The following CEP128 variants were observed in gnomAD, a reference collection of about 807,000 sequenced individuals.
The protein encoded by CEP128 is centrosomal protein 128.
In CEP128, 132 loss-of-function variants were observed where a neutral mutation model predicts 156.7. The observed-to-expected ratio is 0.84, with a 90% CI of 0.73 to 0.97. The LOEUF is 0.97. Ranked by LOEUF, CEP128 falls within the 50% of genes least tolerant of loss-of-function variation. CEP128 has a pLI of 0.00. For synonymous variants in CEP128, 469 were observed against 448.9 expected (o/e 1.04, Z -0.57); for missense variants, 1,252 against 1,281.9 (o/e 0.98, Z 0.36).
chr14:80,744,336 T>A (rs1387455243), intron 18 of CEP128, among the ~76,000 whole-genome samples: 1 of 152,084 alleles, frequency 6.6e-6, no homozygotes, highest in East Asian at 1.9e-4. Context: ...TGTAGGAAAA[T>A]CATGCTTTTG....
chr14:80,490,023 T>A (rs1027759033), downstream of CEP128, among the ~76,000 whole-genome samples: 4 of 152,084 alleles, frequency 2.6e-5, no homozygotes, highest in African/African-American at 9.7e-5. Flanking sequence ...ATAGGAAAAT[T>A]CTGGGTAGGT....
At chr14:80,631,595 G>A (rs778797841) in intron 19 of CEP128, among the ~76,000 whole-genome samples, 2 of 152,134 alleles carry the variant, frequency 1.3e-5, no homozygotes, top group Non-Finnish European at 1.5e-5. Context: ...GTAAAGAAGT[G>A]CTAGAAGTCT....
At chr14:80,746,962 C>T (rs1899133269) in intron 18 of CEP128, among the ~76,000 whole-genome samples, 1 of 152,028 alleles carries the variant, frequency 6.6e-6, no homozygotes, top group African/African-American at 2.4e-5. Context: ...TATAAATAGC[C>T]AATAAGCACA....
At chr14:80,867,331 C>G (rs1887815454) in intron 8 of CEP128, among the ~76,000 whole-genome samples, 1 of 152,146 alleles carries the variant, frequency 6.6e-6, no homozygotes, top group Non-Finnish European at 1.5e-5. Flanking sequence ...TTTCATTGCT[C>G]TACTCAGAAT....
chr14:80,580,713 C>T (rs1350944482), intron 19 of CEP128, among the ~76,000 whole-genome samples: 2 of 152,186 alleles, frequency 1.3e-5, no homozygotes, highest in Admixed American at 1.3e-4. Context: ...TGTAATCATA[C>T]CAATATTTTA....
intron 13 of CEP128, among the ~76,000 whole-genome samples, chr14:80,816,075 A>C (rs1884837661): frequency 1.3e-5 from 2 of 152,204 alleles, no homozygotes; most frequent in Non-Finnish European, 2.9e-5. Flanking sequence ...ATGTAAGAAA[A>C]CTACACTTAT....
At chr14:80,871,233 T>C (rs1888012611) in intron 8 of CEP128, among the ~76,000 whole-genome samples, 1 of 151,976 alleles carries the variant, frequency 6.6e-6, no homozygotes, top group Non-Finnish European at 1.5e-5. Flanking sequence ...TTAAACATAA[T>C]GACAATTTAA....
chr14:80,594,042 G>A (rs1223286568), intron 19 of CEP128, among the ~76,000 whole-genome samples: 2 of 152,098 alleles, frequency 1.3e-5, no homozygotes, highest in African/African-American at 4.8e-5. Context: ...GAACAAAGTG[G>A]GAGGCATCAC....
In CEP128 at chr14:80,958,318, C is replaced by T. The variant is rs45516798; in HGVS notation, c.-279-33G>A. On this transcript the variant is annotated intron_variant, in intron 1 of 7. Coordinates refer to the CEP128 transcript ENST00000555529. Reference sequence around the variant, plus strand: ...CACAAAAATAAAATGAAGTAATTTGCTCAATGTTGCACAGCTTGTAAGTGG... The same window carrying T: ...CACAAAAATAAAATGAAGTAATTTGTTCAATGTTGCACAGCTTGTAAGTGG... 1,220 of 152,196 alleles carry T rather than the reference C, an allele frequency of 8.0e-3. 11 individuals carry two copies. The highest frequency in any genetic ancestry group is 9.9e-3 in the Non-Finnish European group (674 of 68,034). The allele number at this position is 152,196 out of a possible 1,614,324, so 9.4% of individuals were successfully genotyped here. A position where few individuals can be genotyped will look rare whatever the true frequency, so the allele number is the denominator to read the frequency against.
chr14:80,732,910 A>G (rs748014145), intron 19 of CEP128, among the ~76,000 whole-genome samples: 55 of 151,600 alleles, frequency 3.6e-4, no homozygotes, highest in Admixed American at 9.2e-4. Context: ...AAAGAGCTAA[A>G]TAAGACAAAG....
At chr14:80,705,905 T>C (rs1245276940) in intron 19 of CEP128, among the ~76,000 whole-genome samples, 2 of 152,094 alleles carry the variant, frequency 1.3e-5, no homozygotes, top group East Asian at 3.9e-4. Context: ...TTTATAGTAA[T>C]AAAATGGTTA....
chr14:80,834,216 A>G (rs1386399214), intron 12 of CEP128, among the ~76,000 whole-genome samples: 3 of 152,332 alleles, frequency 2.0e-5, no homozygotes, highest in South Asian at 4.1e-4. Context: ...GAACACAGCA[A>G]AAAGATTCAA....
At chr14:80,876,970 A>T (rs1316838715) in intron 8 of CEP128, among the ~76,000 whole-genome samples, 2 of 152,236 alleles carry the variant, frequency 1.3e-5, no homozygotes, top group African/African-American at 2.4e-5. Context: ...TTTATTGCAT[A>T]AAATAATAGT....
chr14:80,737,349 A>T (rs1270158147), intron 19 of CEP128, among the ~76,000 whole-genome samples: 3 of 152,126 alleles, frequency 2.0e-5, no homozygotes, highest in African/African-American at 7.2e-5. Context: ...GGTTACAGTG[A>T]GCCAAGATTG....
chr14:80,573,414 T>C (rs1445435416), intron 20 of CEP128, among the ~76,000 whole-genome samples: 5 of 152,130 alleles, frequency 3.3e-5, no homozygotes, highest in Non-Finnish European at 7.4e-5. Flanking sequence ...TTTCATCCCA[T>C]TGGATAAACA....
chr14:80,489,612 G>T (rs1309519720), downstream of CEP128, among the ~76,000 whole-genome samples: 1 of 151,982 alleles, frequency 6.6e-6, no homozygotes, highest in Non-Finnish European at 1.5e-5. Context: ...CTGCTCTAAA[G>T]GAATTGGTGC....
chr14:80,532,836 T>C (rs1189530929), intron 21 of CEP128, among the ~76,000 whole-genome samples: 1 of 152,224 alleles, frequency 6.6e-6, no homozygotes, highest in Non-Finnish European at 1.5e-5. Context: ...TTCATATCCT[T>C]ATTTTTGTAA....
intron 23 of CEP128, among the ~76,000 whole-genome samples, chr14:80,509,487 AG>A: frequency 6.6e-6 from 1 of 152,286 alleles, no homozygotes; most frequent in Middle Eastern, 3.4e-3. Flanking sequence ...TCAAATTATT[AG>A]ATTTTTTTCC....
chr14:80,669,984 T>C (rs551844382), intron 19 of CEP128, among the ~76,000 whole-genome samples: 10 of 151,568 alleles, frequency 6.6e-5, no homozygotes, highest in Non-Finnish European at 1.5e-4. Context: ...TGACATAAGG[T>C]GAAGGGGGAG....
Sources: gnomAD v4.1 joint callset for allele counts (sites outside exome capture counted in the v4.1 genomes callset) on GRCh38, gnomAD v4.1.1 for gene constraint, MANE v1.5 for transcripts, NCBI Gene and HGNC (gene_info 2026-07-23, HGNC 2026-07-21) for gene names.